FAAH2: variants seen among roughly 807,000 people sequenced by gnomAD.
FAAH2 encodes fatty-acid amide hydrolase 2.
In FAAH2, 60 loss-of-function variants were observed where a neutral mutation model predicts 36.9. The observed-to-expected ratio is 1.63, with a 90% CI of 1.32 to 2.02. FAAH2 has a LOEUF of 2.02. Among genes scored for constraint, FAAH2 ranks in the 30% most tolerant of loss-of-function variants. The probability of loss-of-function intolerance (pLI) is 0.00; values close to 1 mark genes in which losing one functional copy is unlikely to be tolerated. For synonymous variants in FAAH2, 214 were observed against 143.8 expected, an observed-to-expected ratio of 1.49 and a Z score of -3.49; for missense variants, 689 against 397.5, an observed-to-expected ratio of 1.73 and a Z score of -6.23.
intron 7 of FAAH2, among the ~76,000 whole-genome samples, chrX:57,388,630 T>A (rs1261393513): frequency 9.0e-6 from 1 of 111,368 alleles, no homozygotes; most frequent in Non-Finnish European, 1.9e-5. Context: ...AACTCCATAG[T>A]TTACATTAGT....
At chrX:57,488,045 T>C (rs1400668759) in intron 10 of FAAH2, among the ~76,000 whole-genome samples, 5 of 111,740 alleles carry the variant, frequency 4.5e-5, no homozygotes, top group Admixed American at 1.9e-4. Context: ...ATAATTCAAT[T>C]TCTAGAAAGT....
rs1273064956 is a variant in FAAH2, at chrX:57,286,785, G to T, written c.-41G>T. The T allele has an allele frequency of 9.3e-7, 1 of 1,073,150 alleles. No homozygotes were observed. Among genetic ancestry groups the T allele is most frequent in the Non-Finnish European group, 1.2e-6 (1 of 821,384 alleles). The allele number at this position is 1,073,150 out of a possible 1,213,427, so 88.4% of individuals were successfully genotyped here. A position where few individuals can be genotyped will look rare whatever the true frequency, so the allele number is the denominator to read the frequency against. ...TTCTCGTCCTTTCCCCAGGGTGCAC[G>T]TAACCCTCAAGCACTAGGACCGTGC... On this transcript the variant is annotated 5_prime_UTR_variant, in exon 1 of 11. Coordinates refer to ENST00000374900, the MANE Select transcript of FAAH2 (RefSeq NM_174912.4).
At chrX:57,386,689 G>A (rs896084776) in intron 7 of FAAH2, among the ~76,000 whole-genome samples, 7 of 111,319 alleles carry the variant, frequency 6.3e-5, no homozygotes, top group South Asian at 3.7e-4. Context: ...TTCCCTTTAC[G>A]GTATTAAAAC....
At chrX:57,180,785 A>T in the FAAH2 span, among the ~76,000 whole-genome samples, 3 of 111,645 alleles carry the variant, frequency 2.7e-5, no homozygotes, top group Non-Finnish European at 5.7e-5. Context: ...GCATTCTATG[A>T]GGCCAGCATT....
intron 10 of FAAH2, among the ~76,000 whole-genome samples, chrX:57,461,250 G>A (rs1196336113): frequency 2.7e-5 from 3 of 111,328 alleles, no homozygotes; most frequent in African/African-American, 6.5e-5. Context: ...GATCAATGAG[G>A]CAGAAATGTA....
At chrX:57,442,096 G>A (rs781530794) in intron 8 of FAAH2, among the ~76,000 whole-genome samples, 1 of 111,585 alleles carries the variant, frequency 9.0e-6, no homozygotes, top group African/African-American at 3.3e-5. Context: ...TTGATTTGGG[G>A]TGGAGAGTTC....
chrX:57,440,694 A>G (rs192040048), intron 8 of FAAH2, among the ~76,000 whole-genome samples: 306 of 111,736 alleles, frequency 2.7e-3, no homozygotes, highest in African/African-American at 9.3e-3. Context: ...TTCAAAGGGA[A>G]TGCTTCCAGT....
chrX:57,227,062 A>G, the FAAH2 span, among the ~76,000 whole-genome samples: 1 of 109,425 alleles, frequency 9.1e-6, no homozygotes, highest in Non-Finnish European at 1.9e-5. Flanking sequence ...CACTTTTTGT[A>G]TTATTTTTTG....
At chrX:57,366,075 G>C (rs2054405414) in intron 5 of FAAH2, among the ~76,000 whole-genome samples, 1 of 112,099 alleles carries the variant, frequency 8.9e-6, no homozygotes, top group Non-Finnish European at 1.9e-5. Context: ...CCATTGGTGA[G>C]TTTGTTTGGA....
At chrX:57,447,110 T>C (rs1201757040) in intron 9 of FAAH2, 71 bp downstream of exon 9, 20 of 846,527 alleles carry the variant, frequency 2.4e-5, no homozygotes, top group Non-Finnish European at 3.2e-5. Flanking sequence ...AATATAAATT[T>C]TGGACTAAAG....
At chrX:57,458,206 C>G (rs1166998876) in intron 10 of FAAH2, among the ~76,000 whole-genome samples, 3 of 112,102 alleles carry the variant, frequency 2.7e-5, no homozygotes, top group Non-Finnish European at 5.6e-5. Flanking sequence ...AAAGGACTCT[C>G]TATTCAATAA....
chrX:57,479,697 G>A (rs987652237), intron 10 of FAAH2, among the ~76,000 whole-genome samples: 4 of 111,517 alleles, frequency 3.6e-5, no homozygotes, highest in African/African-American at 6.5e-5. Flanking sequence ...TTAGCATGAA[G>A]AGGTGTTGAA....
the FAAH2 span, among the ~76,000 whole-genome samples, chrX:57,189,996 C>T: frequency 1.3e-4 from 14 of 111,993 alleles, no homozygotes; most frequent in South Asian, 3.7e-4. Context: ...GCTGAAGCCG[C>T]GCCCACAGCT....
intron 3 of FAAH2, among the ~76,000 whole-genome samples, chrX:57,316,039 C>A (rs1415991114): frequency 9.0e-6 from 1 of 111,562 alleles, no homozygotes; most frequent in Non-Finnish European, 1.9e-5. Context: ...AACTGATAAA[C>A]AATTTTAGCA....
the FAAH2 span, among the ~76,000 whole-genome samples, chrX:57,245,364 C>T: frequency 2.7e-5 from 3 of 111,877 alleles, no homozygotes; most frequent in Non-Finnish European, 5.6e-5. Flanking sequence ...GAACTCTGCT[C>T]TAGACCAAGC....
intron 10 of FAAH2, among the ~76,000 whole-genome samples, chrX:57,457,074 A>G (rs748315809): frequency 2.7e-5 from 3 of 112,215 alleles, no homozygotes; most frequent in South Asian, 7.4e-4. Flanking sequence ...AACTAAATCC[A>G]CCAGCATATC....
chrX:57,213,722 T>C, the FAAH2 span, among the ~76,000 whole-genome samples: 2 of 112,100 alleles, frequency 1.8e-5, no homozygotes, highest in East Asian at 2.8e-4. Flanking sequence ...TTTTAACTTA[T>C]TGGGATTTAT....
At chrX:57,477,926 G>A (rs1038355412) in intron 10 of FAAH2, among the ~76,000 whole-genome samples, 3 of 111,828 alleles carry the variant, frequency 2.7e-5, no homozygotes, top group African/African-American at 9.8e-5. Context: ...CTTTGCTACT[G>A]TGAATAGTGC....
intron 10 of FAAH2, among the ~76,000 whole-genome samples, chrX:57,476,745 A>G (rs1374567069): frequency 9.0e-6 from 1 of 111,373 alleles, no homozygotes; most frequent in Non-Finnish European, 1.9e-5. Context: ...TGTTTGGAAT[A>G]GTTTCAGAAG....
Sources: gnomAD v4.1 joint callset for allele counts (sites outside exome capture counted in the v4.1 genomes callset) on GRCh38, gnomAD v4.1.1 for gene constraint, MANE v1.5 for transcripts, NCBI Gene and HGNC (gene_info 2026-07-23, HGNC 2026-07-21) for gene names.